Variants in GEMIN4 observed in about 807,000 individuals in gnomAD.
GEMIN4 encodes the protein gem nuclear organelle associated protein 4.
In GEMIN4, 59 loss-of-function variants were observed where a neutral mutation model predicts 76.8. The observed-to-expected ratio is 0.77, with a 90% CI of 0.62 to 0.95. The LOEUF is 0.95. GEMIN4 is among the 40% of genes least tolerant of loss of function. The probability of loss-of-function intolerance (pLI) is 0.00; values close to 1 mark genes in which losing one functional copy is unlikely to be tolerated. For synonymous variants in GEMIN4, 562 were observed against 559.7 expected (o/e 1.00, Z -0.06); for missense variants, 1,311 against 1,318.9 (o/e 0.99, Z 0.09).
intron 1 of GEMIN4, chr17:748,321 C>G: frequency 2.5e-6 from 1 of 398,384 alleles, no homozygotes; most frequent in Non-Finnish European, 4.5e-6. Flanking sequence ...ATGAGTTCAG[C>G]TTTGGCCATC....
rs190447919 is a variant in GEMIN4 at position 747,989 on chromosome 17, G to A, written c.54C>T (p.Gly18=). 1.5e-4 allele frequency: 248 copies of A among 1,612,094 alleles called. 2 individuals are homozygous for A. In the African/African-American group the frequency reaches 3.1e-3, roughly 20 times the overall value. Residue 18 remains glycine (G), a synonymous_variant, in exon 2 of 2, where the codon GGC becomes GGT. Coordinates refer to ENST00000319004, the MANE Select transcript of GEMIN4 (RefSeq NM_015721.3). The stretch of plus-strand genomic sequence containing the variant: ...GGAACAGCTGCTCGGCCAGCAAGAA[G>A]CCTCCATGCAGAATAGTCATTTCTT... ...ICEEMTILHG[G]FLLAEQLFHP... is the part of the protein sequence containing the mutation.
chr17:747,529 C>A lies in GEMIN4; in HGVS notation c.514G>T (p.Gly172Cys). 1 of 1,613,780 alleles carries A rather than the reference C, an allele frequency of 6.2e-7. No individual in the cohort carries two copies. The highest frequency in any genetic ancestry group is 8.5e-7 in the Non-Finnish European group (1 of 1,179,886). ...GAGAGCAGGGGGTCCTGCGGGTGAC[C>A]CTTGTGCTTCATCACCTCCCACCAG... ...DVWWEVMKHK[G>C]HPQDPLLSQF... Residue 172 changes from glycine to cysteine, a missense_variant, in exon 2 of 2, where the codon GGT becomes TGT. Physicochemically the swap from Gly to Cys is radical, Grantham distance 159 (BLOSUM62 -3). Coordinates refer to ENST00000319004, the MANE Select transcript of GEMIN4 (RefSeq NM_015721.3).
upstream of GEMIN4, chr17:752,543 C>G (rs1904802644): frequency 3.7e-6 from 2 of 542,506 alleles, no homozygotes; most frequent in African/African-American, 2.0e-5. Context: ...AGCGCCTCCC[C>G]CGGGACGCCC....
In GEMIN4 at chr17:744,745, G is replaced by T; in HGVS notation, c.*121C>A. On this transcript the variant is annotated 3_prime_UTR_variant, in exon 2 of 2. Coordinates refer to ENST00000319004, the MANE Select transcript of GEMIN4 (RefSeq NM_015721.3). ...TTCACATAACTGTAAAGTCCAGGCT[G>T]CTCGGGTCTGACCCCTACAGACCTG... 9.9e-7 allele frequency: 1 copy of T among 1,006,318 alleles called. No homozygotes were observed. The highest frequency in any genetic ancestry group is 1.4e-6 in the Non-Finnish European group (1 of 707,236). The allele number at this position is 1,006,318 out of a possible 1,614,324, so 62.3% of individuals were successfully genotyped here. A position where few individuals can be genotyped will look rare whatever the true frequency, so the allele number is the denominator to read the frequency against.
At position 747,419 on chromosome 17, in the gene GEMIN4, G is replaced by A. The variant is rs371310840; in HGVS notation, c.624C>T (p.Asp208=). The stretch of plus-strand genomic sequence containing the variant: ...CCAACAGGGGCATGGTGGGGCACGC[G>A]TCTGGGTCTGACCTAAGCCTCTTTG... ...HPPKRLRSDP[D]ACPTMPLLAM... The change falls in exon 2 of 2, where the codon GAC becomes GAT. Residue 208 remains aspartate, a synonymous_variant. Coordinates refer to ENST00000319004, the MANE Select transcript of GEMIN4 (RefSeq NM_015721.3). 3.3e-5 allele frequency: 53 copies of A among 1,613,732 alleles called. No homozygotes were observed. The highest frequency in any genetic ancestry group is 6.7e-5 in the East Asian group (3 of 44,876).
rs1009418120 is a variant in GEMIN4, at chr17:752,073, G to A, written c.10+60C>T. 2.5e-5 allele frequency: 28 copies of A among 1,137,866 alleles called. No individual in the cohort carries two copies. The African/African-American group carries it at 4.0e-4, about 16-fold the overall frequency. 70.5% of individuals were successfully genotyped at this position (1,137,866 alleles called of 1,614,324 possible). A position where few individuals can be genotyped will look rare whatever the true frequency, so the allele number is the denominator to read the frequency against. On this transcript the variant is annotated intron_variant, in intron 1 of 1. Transcript: ENST00000319004. Reference sequence around the variant, plus strand: ...CGACAGGAGGAGACGCGACGGGGCAGCACCGCTCTGGTGGCGCATTGCTGG... The same window carrying A: ...CGACAGGAGGAGACGCGACGGGGCAACACCGCTCTGGTGGCGCATTGCTGG...
intron 1 of GEMIN4, chr17:749,668 C>T (rs961149159): frequency 7.4e-6 from 2 of 268,834 alleles, no homozygotes; most frequent in Non-Finnish European, 1.2e-5. Context: ...GTAATGGGCA[C>T]AGCAGCAATC....
Position 745,788 on chromosome 17 carries a change from C to T in GEMIN4, c.2255G>A (p.Trp752Ter). 1.2e-6 allele frequency: 2 copies of T among 1,612,416 alleles called. No individual in the cohort carries two copies. The highest frequency in any genetic ancestry group is 1.7e-6 in the Non-Finnish European group (2 of 1,179,430). The change falls in exon 2 of 2, where the codon TGG becomes TAG. Residue 752 changes from tryptophan (W) to a stop codon, truncating the protein, a stop_gained. Transcript: ENST00000319004. LOFTEE classifies it high-confidence loss of function. The surrounding 1 kb of genome is among the most constrained non-coding windows in gnomAD (Gnocchi z 4.6). ...GTGGAGCCAGGACAGGGACTTGATCCAGACATCCGGGGAGAAGGTCTCAGC... is the reference window on the plus strand; with the variant it reads ...GTGGAGCCAGGACAGGGACTTGATCTAGACATCCGGGGAGAAGGTCTCAGC... ...ANAETFSPDV[W>*]IKSLSWLHRK...
intron 1 of GEMIN4, 121 bp downstream of exon 1, chr17:752,011 CG>C: frequency 1.5e-6 from 1 of 677,676 alleles, no homozygotes; most frequent in East Asian, 3.5e-5. Flanking sequence ...CGCCCCGACG[CG>C]GGGGACGTTT....
chr17:753,501 G>A (rs1006431701), upstream of GEMIN4: 3 of 160,616 alleles, frequency 1.9e-5, no homozygotes, highest in South Asian at 3.8e-4. Context: ...AAGGAGGCTG[G>A]CTGAGGGCTC....
upstream of GEMIN4, chr17:753,083 G>T (rs1256617644): frequency 6.3e-6 from 1 of 158,252 alleles, no homozygotes; most frequent in Admixed American, 6.5e-5. Flanking sequence ...GTCCAAGATG[G>T]ACGCCATGAG....
At chr17:754,120 A>C (rs775706242), upstream of GEMIN4, 1 of 152,254 alleles carries the variant, frequency 6.6e-6, no homozygotes, top group Non-Finnish European at 1.5e-5. Flanking sequence ...TGTTCCCGGG[A>C]CTATTCTGTA....
Position 744,698 on chromosome 17 carries a change from G to A in GEMIN4, c.*168C>T, listed in dbSNP as rs554849182. ...AAACTATTTTCTTTACACCATTATT[G>A]CCATGACTTTTTGTGGACAGTTTCA... On this transcript the variant is annotated 3_prime_UTR_variant, in exon 2 of 2. Transcript: ENST00000319004. 1.7e-5 allele frequency: 11 copies of A among 630,630 alleles called. No homozygotes were observed. Among genetic ancestry groups the A allele is most frequent in the Non-Finnish European group, 2.9e-5 (11 of 377,418 alleles). 39.1% of individuals were successfully genotyped at this position (630,630 alleles called of 1,614,324 possible).
At chr17:752,044 T>TGCGC in intron 1 of GEMIN4, 89 bp downstream of exon 1, 1 of 911,884 alleles carries the variant, frequency 1.1e-6, no homozygotes, top group Non-Finnish European at 1.4e-6. Context: ...CGCGCGAGCG[T>TGCGC]GCGCGACAGG....
Position 747,342 on chromosome 17 carries a change from C to A in GEMIN4, c.701G>T (p.Gly234Val), listed in dbSNP as rs749837692. 6.2e-7 allele frequency: 1 copy of A among 1,613,636 alleles called. No homozygotes were observed. Among genetic ancestry groups the A allele is most frequent in the African/African-American group, 1.3e-5 (1 of 74,930 alleles). Residue 234 changes from glycine to valine, a missense_variant, in exon 2 of 2, where the codon GGG becomes GTG. Gly to Val is a moderately radical substitution (Grantham distance 109). This residue lies in a region of GEMIN4 where 1,208 missense variants were observed against 1,166.9 expected (regional missense o/e 1.04). Coordinates refer to ENST00000319004, the MANE Select transcript of GEMIN4 (RefSeq NM_015721.3). The part of the protein sequence containing the change: ...TQIQSRILGP[G>V]RKCCALANLA... ...GTTGGCCAGCGCACAGCACTTCCTCCCCGGGCCCAGGATCCGACTCTGGAT... is the reference window on the plus strand; with the variant it reads ...GTTGGCCAGCGCACAGCACTTCCTCACCGGGCCCAGGATCCGACTCTGGAT...
chr17:752,012 G>C (rs758708295), intron 1 of GEMIN4, 121 bp downstream of exon 1: 161 of 682,070 alleles, frequency 2.4e-4, no homozygotes, highest in Non-Finnish European at 2.9e-4. Context: ...GCCCCGACGC[G>C]GGGGACGTTT....
chr17:747,316 G>C lies in GEMIN4; in HGVS notation c.727C>G (p.Leu243Val), dbSNP rs368035421. ...GCAAACACAGTCAGCATGTCAGCCA[G>C]GTTGGCCAGCGCACAGCACTTCCTC... ...PGRKCCALAN[L>V]ADMLTVFALT... The change falls in exon 2 of 2, where the codon CTG (leucine) becomes GTG (valine). Residue 243 changes from leucine (L) to valine (V), a missense_variant. Transcript: ENST00000319004. 5.0e-6 allele frequency: 8 copies of C among 1,613,684 alleles called. No individual in the cohort carries two copies. In the Admixed American group the frequency reaches 6.7e-5, roughly 13 times the overall value.
upstream of GEMIN4, chr17:754,207 A>G (rs1222628083): frequency 4.6e-5 from 7 of 152,234 alleles, no homozygotes; most frequent in Non-Finnish European, 8.8e-5. Flanking sequence ...TTGCAAGAGC[A>G]CAACACACCC....
chr17:754,024 C>T (rs1904882594), upstream of GEMIN4: 2 of 152,344 alleles, frequency 1.3e-5, no homozygotes, highest in South Asian at 4.1e-4. Context: ...ATTGATGCGC[C>T]AGAACACAGC....
Sources: gnomAD v4.1 joint callset for allele counts on GRCh38, gnomAD v4.1.1 for gene constraint, gnomAD v4.1.1 regional missense constraint, Gnocchi (gnomAD v3.1) non-coding constraint, MANE v1.5 for transcripts, NCBI Gene and HGNC (gene_info 2026-07-23, HGNC 2026-07-21) for gene names.